Variants in CHRM4 observed in about 807,000 individuals in gnomAD.
The protein encoded by CHRM4 is cholinergic receptor muscarinic 4.
Under a neutral mutation model 26.3 loss-of-function variants are expected in CHRM4, and 5 were observed. That is an observed-to-expected ratio of 0.19 (90% CI 0.10 to 0.40). CHRM4 has a LOEUF of 0.40. Among genes scored for constraint, CHRM4 ranks in the 10% least tolerant of loss-of-function variants. CHRM4 has a pLI of 1.00. For synonymous variants in CHRM4, 290 were observed against 285.3 expected (o/e 1.02, Z -0.16); for missense variants, 402 against 664.5 (o/e 0.60, Z 4.34).
rs945498906 is a variant in CHRM4, at chr11:46,391,164, C to G, written c.-30+367G>C. Among the ~76,000 whole-genome samples the G allele has an allele frequency of 3.3e-5, 5 of 150,962 alleles. No homozygotes were observed. Among genetic ancestry groups the G allele is most frequent in the Admixed American group, 6.6e-5 (1 of 15,186 alleles). On this transcript the variant is annotated intron_variant, in intron 1 of 1. Transcript: ENST00000682254. This position sits in a 1 kb window ranked among gnomAD's most constrained non-coding sequence, Gnocchi z 6.3. ...GGTCGTAGATGGAGGACTCCAGGGG[C>G]CGGAGTGGGCTGGCAGCGCGGGGGC...
At chr11:46,389,278 A>G (rs1034440770) in intron 1 of CHRM4, among the ~76,000 whole-genome samples, 14 of 152,178 alleles carry the variant, frequency 9.2e-5, no homozygotes, top group African/African-American at 3.4e-4. Flanking sequence ...TAGCTTTCCC[A>G]GAAGACAAGC....
Position 46,385,690 on chromosome 11 carries a change from T to C in CHRM4, c.868A>G (p.Lys290Glu). ...LPPPPRPVADKDTSNESSSGS... is the reference protein window; with the variant it reads ...LPPPPRPVADEDTSNESSSGS... Reference sequence around the variant, plus strand: ...GAGCTGGACTCATTGGAAGTGTCCTTATCAGCCACGGGGCGCGGTGGCGGT... The same window carrying C: ...GAGCTGGACTCATTGGAAGTGTCCTCATCAGCCACGGGGCGCGGTGGCGGT... The change falls in exon 2 of 2, where the codon AAG becomes GAG. Residue 290 changes from lysine (K) to glutamate (E), a missense_variant. By Grantham distance (56) the Lys-to-Glu change is moderately conservative. Transcript: ENST00000682254. The surrounding 1 kb of genome is among the most constrained non-coding windows in gnomAD (Gnocchi z 6.3). 1 of 1,549,836 alleles carries C rather than the reference T, an allele frequency of 6.5e-7. No individual in the cohort carries two copies. Among genetic ancestry groups the C allele is most frequent in the South Asian group, 1.2e-5 (1 of 80,708 alleles).
chr11:46,386,619 A>G lies in CHRM4; in HGVS notation c.-29-33T>C, dbSNP rs1945343981. 5 of 1,572,054 alleles carry G rather than the reference A, an allele frequency of 3.2e-6. No individual in the cohort carries two copies. Among genetic ancestry groups the G allele is most frequent in the Admixed American group, 3.4e-5 (2 of 58,368 alleles). On this transcript the variant is annotated intron_variant, in intron 1 of 1. Transcript: ENST00000682254. The surrounding 1 kb of genome is among the most constrained non-coding windows in gnomAD (Gnocchi z 5.8). ...GGAAGGGGAGAGAAAAGCATGAACTACAGGAGGGAATGGGGGAGTCATCTG... is the reference window on the plus strand; with the variant it reads ...GGAAGGGGAGAGAAAAGCATGAACTGCAGGAGGGAATGGGGGAGTCATCTG...
rs887485392 is a variant in CHRM4, at chr11:46,391,530, C to T, written c.-30+1G>A. Among the ~76,000 whole-genome samples, 1 of 152,116 alleles carries T rather than the reference C, an allele frequency of 6.6e-6. No individual in the cohort carries two copies. The highest frequency in any genetic ancestry group is 2.4e-5 in the African/African-American group (1 of 41,442). On this transcript the variant is annotated splice_donor_variant, in intron 1 of 1. Transcript: ENST00000682254. LOFTEE classifies it low-confidence loss of function (5UTR_SPLICE). This position sits in a 1 kb window ranked among gnomAD's most constrained non-coding sequence, Gnocchi z 6.3. ...TGGCGCCCTGTCCCAGTCGAACCCA[C>T]CTCTGGGGAGCCTCAGAGCGTCCCG...
intron 1 of CHRM4, among the ~76,000 whole-genome samples, chr11:46,389,437 C>T (rs1267235045): frequency 6.6e-6 from 1 of 152,272 alleles, no homozygotes. Flanking sequence ...CGCCCCGCCC[C>T]AGCTGTCGTC....
At position 46,385,871 on chromosome 11, in the gene CHRM4, G is replaced by A; in HGVS notation, c.687C>T (p.His229=). The A allele has an allele frequency of 6.2e-7, 1 of 1,609,704 alleles. No homozygotes were observed. Among genetic ancestry groups the A allele is most frequent in the Non-Finnish European group, 8.5e-7 (1 of 1,178,342 alleles). Reference sequence around the variant, plus strand: ...TCTTCTCCTTCGGGCCCTCGGGCCGGTGCTTGTGGACTCGGCTGCGACTGG... The same window carrying A: ...TCTTCTCCTTCGGGCCCTCGGGCCGATGCTTGTGGACTCGGCTGCGACTGG... ...SLASRSRVHK[H]RPEGPKEKKA... is the part of the protein sequence containing the mutation. The change falls in exon 2 of 2, where the codon CAC becomes CAT. Residue 229 remains histidine (H), a synonymous_variant. Coordinates refer to ENST00000682254, the MANE Select transcript of CHRM4 (RefSeq NM_000741.5). This position sits in a 1 kb window ranked among gnomAD's most constrained non-coding sequence, Gnocchi z 6.3.
rs970895304 is a variant in CHRM4, at chr11:46,391,688, C to A, written c.-187G>T. The stretch of plus-strand genomic sequence containing the variant: ...ACGGACGCGCGGCCCCGCGGGCCGG[C>A]GGGGCGGGCGGCCGGGCCGAGGGCC... On this transcript the variant is annotated 5_prime_UTR_variant, in exon 1 of 2. Transcript: ENST00000682254. This position sits in a 1 kb window ranked among gnomAD's most constrained non-coding sequence, Gnocchi z 6.3. Among the ~76,000 whole-genome samples the A allele has an allele frequency of 6.7e-6, 1 of 148,284 alleles. No homozygotes were observed. The highest frequency in any genetic ancestry group is 2.4e-5 in the African/African-American group (1 of 40,882).
Position 46,385,740 on chromosome 11 carries a change from T to G in CHRM4, c.818A>C (p.Glu273Ala), listed in dbSNP as rs888669602. ...AREELRNGKL[E>A]EAPPPALPPP... ...TGGCAGCGCTGGCGGGGGGGCCTCCTCCAGCTTGCCATTGCGCAGCTCCTC... is the reference window on the plus strand; with the variant it reads ...TGGCAGCGCTGGCGGGGGGGCCTCCGCCAGCTTGCCATTGCGCAGCTCCTC... Residue 273 changes from glutamate (E) to alanine (A), a missense_variant, in exon 2 of 2, where the codon GAG becomes GCG. Physicochemically the swap from Glu to Ala is moderately radical, Grantham distance 107 (BLOSUM62 -1). This residue lies in a region of CHRM4 where 205 missense variants were observed against 244.0 expected (regional missense o/e 0.84). Transcript: ENST00000682254. The surrounding 1 kb of genome is among the most constrained non-coding windows in gnomAD (Gnocchi z 6.3). 1.0e-4 allele frequency: 165 copies of G among 1,589,090 alleles called. No homozygotes were observed. The highest frequency in any genetic ancestry group is 1.4e-4 in the Non-Finnish European group (161 of 1,167,382).
chr11:46,386,690 A>T lies in CHRM4; in HGVS notation c.-29-104T>A, dbSNP rs1388038456. 7.9e-6 allele frequency: 9 copies of T among 1,144,662 alleles called. 1 individual carries two copies. The East Asian group carries it at 1.7e-4, about 22-fold the overall frequency. 70.9% of individuals were successfully genotyped at this position (1,144,662 alleles called of 1,614,324 possible). ...TGACAGAGGGACATTCTCTGGCAGA[A>T]TGCCTTGAGAGAACTCTGTCCCGCC... On this transcript the variant is annotated intron_variant, in intron 1 of 1. Transcript: ENST00000682254. The surrounding 1 kb of genome is among the most constrained non-coding windows in gnomAD (Gnocchi z 5.8).
At position 46,384,550 on chromosome 11, in the gene CHRM4, G is replaced by A. The variant is rs866255757; in HGVS notation, c.*568C>T. On this transcript the variant is annotated 3_prime_UTR_variant, in exon 2 of 2. Transcript: ENST00000682254. Reference sequence around the variant, plus strand: ...TGACAAGGGCAGTGCTGCTGGGGCGGGGGGGACCTGGCCTCCATCATACCC... The same window carrying A: ...TGACAAGGGCAGTGCTGCTGGGGCGAGGGGGACCTGGCCTCCATCATACCC... Among the ~76,000 whole-genome samples the A allele has an allele frequency of 3.3e-5, 5 of 152,190 alleles. No individual in the cohort carries two copies. Among genetic ancestry groups the A allele is most frequent in the Non-Finnish European group, 7.4e-5 (5 of 68,022 alleles).
rs543744948 is a variant in CHRM4 at position 46,384,548 on chromosome 11, C to T, written c.*570G>A. Among the ~76,000 whole-genome samples the T allele has an allele frequency of 3.9e-5, 6 of 152,250 alleles. No homozygotes were observed. The highest frequency in any genetic ancestry group is 4.2e-4 in the South Asian group (2 of 4,812). On this transcript the variant is annotated 3_prime_UTR_variant, in exon 2 of 2. Coordinates refer to ENST00000682254, the MANE Select transcript of CHRM4 (RefSeq NM_000741.5). ...TGTGACAAGGGCAGTGCTGCTGGGG[C>T]GGGGGGGACCTGGCCTCCATCATAC...
At position 46,384,549 on chromosome 11, in the gene CHRM4, G is replaced by A. The variant is rs553317527; in HGVS notation, c.*569C>T. Among the ~76,000 whole-genome samples the A allele has an allele frequency of 8.5e-5, 13 of 152,114 alleles. No individual in the cohort carries two copies. The highest frequency in any genetic ancestry group is 4.1e-4 in the South Asian group (2 of 4,824). On this transcript the variant is annotated 3_prime_UTR_variant, in exon 2 of 2. Transcript: ENST00000682254. ...GTGACAAGGGCAGTGCTGCTGGGGC[G>A]GGGGGGACCTGGCCTCCATCATACC... is the stretch of plus-strand genomic sequence containing the variant.
In CHRM4 at chr11:46,385,006, G is replaced by C; in HGVS notation, c.*112C>G. 3 of 1,426,676 alleles carry C rather than the reference G, an allele frequency of 2.1e-6. No individual in the cohort carries two copies. Among genetic ancestry groups the C allele is most frequent in the Non-Finnish European group, 2.8e-6 (3 of 1,077,388 alleles). The allele number at this position is 1,426,676 out of a possible 1,614,324, so 88.4% of individuals were successfully genotyped here. A position where few individuals can be genotyped will look rare whatever the true frequency, so the allele number is the denominator to read the frequency against. ...GAGCCTCTTCTGAACTTCCTCCTCA[G>C]CAAACGTGAACGCAGAATGGTGCCT... On this transcript the variant is annotated 3_prime_UTR_variant, in exon 2 of 2. Transcript: ENST00000682254. The surrounding 1 kb of genome is among the most constrained non-coding windows in gnomAD (Gnocchi z 6.3).
Position 46,385,401 on chromosome 11 carries a change from C to A in CHRM4, c.1157G>T (p.Arg386Leu). 6.2e-7 allele frequency: 1 copy of A among 1,610,078 alleles called. No individual in the cohort carries two copies. The highest frequency in any genetic ancestry group is 8.5e-7 in the Non-Finnish European group (1 of 1,176,794). ...CCGGGCCGCCATCTGCCGCTTCTTG[C>A]GCACCTGGTTGCGAGCGATGCTGGC... is the stretch of plus-strand genomic sequence containing the variant. Reference protein sequence around the residue: ...KFASIARNQVRKKRQMAARER... With the variant: ...KFASIARNQVLKKRQMAARER... Residue 386 changes from arginine (R) to leucine (L), a missense_variant, in exon 2 of 2, where the codon CGC (arginine) becomes CTC (leucine). This residue lies in a region of CHRM4 where 205 missense variants were observed against 244.0 expected (regional missense o/e 0.84). Transcript: ENST00000682254. This position sits in a 1 kb window ranked among gnomAD's most constrained non-coding sequence, Gnocchi z 6.3.
In CHRM4 at chr11:46,383,838, C is replaced by A. The variant is rs927829620; in HGVS notation, c.*1280G>T. On this transcript the variant is annotated 3_prime_UTR_variant, in exon 2 of 2. Transcript: ENST00000682254. ...CTTTTTTAATATATAAAAGCCCCTT[C>A]CCAAGGAGTTTGCTGTGGAAATGTG... 10 of 385,124 alleles carry A rather than the reference C, an allele frequency of 2.6e-5. No individual in the cohort carries two copies. Among genetic ancestry groups the A allele is most frequent in the South Asian group, 4.3e-5 (2 of 46,690 alleles). 23.9% of individuals were successfully genotyped at this position (385,124 alleles called of 1,614,324 possible). A position where few individuals can be genotyped will look rare whatever the true frequency, so the allele number is the denominator to read the frequency against.
Position 46,385,865 on chromosome 11 carries a change from G to A in CHRM4, c.693C>T (p.Pro231=), listed in dbSNP as rs199582855. 3.0e-5 allele frequency: 48 copies of A among 1,607,928 alleles called. No individual in the cohort carries two copies. Among genetic ancestry groups the A allele is most frequent in the Admixed American group, 1.2e-4 (7 of 59,038 alleles). Residue 231 remains proline (P), a synonymous_variant, in exon 2 of 2, where the codon CCC becomes CCT. Coordinates refer to ENST00000682254, the MANE Select transcript of CHRM4 (RefSeq NM_000741.5). The surrounding 1 kb of genome is among the most constrained non-coding windows in gnomAD (Gnocchi z 6.3). ...TGGCTTTCTTCTCCTTCGGGCCCTC[G>A]GGCCGGTGCTTGTGGACTCGGCTGC... The part of the protein sequence containing the change: ...ASRSRVHKHR[P]EGPKEKKAKT...
Position 46,391,718 on chromosome 11 carries a change from G to T in CHRM4, c.-217C>A, listed in dbSNP as rs1047469746. 3.4e-5 allele frequency among the ~76,000 whole-genome samples: 5 copies of T among 149,102 alleles called. No individual in the cohort carries two copies. The highest frequency in any genetic ancestry group is 2.0e-4 in the Admixed American group (3 of 15,008). ...CGGGCGGCCGGGCCGAGGGCCGGGG[G>T]CGGGGACGGGGTGTCGAGGGGCGGC... On this transcript the variant is annotated 5_prime_UTR_variant, in exon 1 of 2. Transcript: ENST00000682254. The surrounding 1 kb of genome is among the most constrained non-coding windows in gnomAD (Gnocchi z 6.3).
At position 46,391,145 on chromosome 11, in the gene CHRM4, AG is replaced by A. The variant is rs1168622331; in HGVS notation, c.-30+385del. Among the ~76,000 whole-genome samples, 1 of 144,462 alleles carries A rather than the reference AG, an allele frequency of 6.9e-6. No homozygotes were observed. Among genetic ancestry groups the A allele is most frequent in the Admixed American group, 6.8e-5 (1 of 14,674 alleles). 94.8% of individuals were successfully genotyped at this position (144,462 alleles called of 152,430 possible). ...GTTTTCCGTCGGGGCTCAAGGTCGT[AG>A]ATGGAGGACTCCAGGGGCCGGAGTG... On this transcript the variant is annotated intron_variant, in intron 1 of 1. Transcript: ENST00000682254. This position sits in a 1 kb window ranked among gnomAD's most constrained non-coding sequence, Gnocchi z 6.3.
In CHRM4 at chr11:46,386,401, C is replaced by A. The variant is rs1279479189; in HGVS notation, c.157G>T (p.Val53Leu). 6.2e-7 allele frequency: 1 copy of A among 1,613,814 alleles called. No homozygotes were observed. Among genetic ancestry groups the A allele is most frequent in the Admixed American group, 1.7e-5 (1 of 60,004 alleles). ...CTGTTGACCTTGATGGACAGCATCA[C>A]CAGGATGTTGCCCACGACAGTCACC... ...SLVTVVGNILVMLSIKVNRQL... is the reference protein window; with the variant it reads ...SLVTVVGNILLMLSIKVNRQL... The change falls in exon 2 of 2, where the codon GTG becomes TTG. Residue 53 changes from valine to leucine, a missense_variant. Physicochemically the swap from Val to Leu is conservative, Grantham distance 32. This residue lies in a region of CHRM4 where 92 missense variants were observed against 133.1 expected (regional missense o/e 0.69). Transcript: ENST00000682254. This position sits in a 1 kb window ranked among gnomAD's most constrained non-coding sequence, Gnocchi z 5.8.
Sources: gnomAD v4.1 joint callset for allele counts (sites outside exome capture counted in the v4.1 genomes callset) on GRCh38, gnomAD v4.1.1 for gene constraint, gnomAD v4.1.1 regional missense constraint, Gnocchi (gnomAD v3.1) non-coding constraint, MANE v1.5 for transcripts, NCBI Gene and HGNC (gene_info 2026-07-23, HGNC 2026-07-21) for gene names.